Variants in TAF4 observed in about 807,000 individuals in gnomAD.
TAF4 encodes TATA-box binding protein associated factor 4.
Under a neutral mutation model 90.3 loss-of-function variants are expected in TAF4, and 9 were observed. The observed-to-expected ratio is 0.10, with a 90% CI of 0.06 to 0.17. TAF4 has a LOEUF of 0.17. TAF4 is among the 10% of genes least tolerant of loss of function. TAF4 has a pLI of 1.00. For missense variants in TAF4, 1,351 were observed against 1,370.7 expected (o/e 0.99, Z 0.23); for synonymous variants, 818 against 638.9 (o/e 1.28, Z -4.23).
intron 14 of TAF4, among the ~76,000 whole-genome samples, chr20:61,987,291 T>G (rs1026053799): frequency 3.3e-5 from 5 of 151,996 alleles, no homozygotes; most frequent in Admixed American, 2.0e-4. Flanking sequence ...CAGGAAAGAC[T>G]GAGCAGCTAC....
At chr20:62,048,597 C>T (rs1169967690) in intron 1 of TAF4, among the ~76,000 whole-genome samples, 1 of 152,038 alleles carries the variant, frequency 6.6e-6, no homozygotes, top group Non-Finnish European at 1.5e-5. Flanking sequence ...TCCCCACGTG[C>T]CCACCTCCGT....
At chr20:62,061,951 T>C (rs1353347998) in intron 1 of TAF4, among the ~76,000 whole-genome samples, 1 of 152,222 alleles carries the variant, frequency 6.6e-6, no homozygotes, top group Non-Finnish European at 1.5e-5. Context: ...AGGCTTAGCC[T>C]TAAAGACTTC....
intron 1 of TAF4, among the ~76,000 whole-genome samples, chr20:62,042,416 G>A (rs927646184): frequency 4.6e-5 from 7 of 152,356 alleles, no homozygotes; most frequent in East Asian, 1.9e-4. Flanking sequence ...CCTGGACACC[G>A]CACAAGGACT....
At chr20:62,011,921 G>A (rs79394547) in intron 3 of TAF4, among the ~76,000 whole-genome samples, 3 of 152,354 alleles carry the variant, frequency 2.0e-5, no homozygotes, top group African/African-American at 4.8e-5. Flanking sequence ...GCTGCTTCCT[G>A]CTGACTGCCC....
At position 62,006,652 on chromosome 20, in the gene TAF4, G is replaced by C; in HGVS notation, c.2081C>G (p.Thr694Arg). The change falls in exon 7 of 15, where the codon ACG (threonine) becomes AGG (arginine). Residue 694 changes from threonine (T) to arginine (R), a missense_variant. This residue lies in a region of TAF4 where 202 missense variants were observed against 229.7 expected (regional missense o/e 0.88). Coordinates refer to ENST00000252996, the MANE Select transcript of TAF4 (RefSeq NM_003185.4). The surrounding 1 kb of genome is among the most constrained non-coding windows in gnomAD (Gnocchi z 7.0). ...GACCGAGCTACTCAGCACCACGGCC[G>C]TGAGCGCAGTGGTGGCCTGCGAGGT... is the stretch of plus-strand genomic sequence containing the variant. ...PPTSQATTAL[T>R]AVVLSSSVQR... 6.3e-7 allele frequency: 1 copy of C among 1,599,588 alleles called. No individual in the cohort carries two copies. Among genetic ancestry groups the C allele is most frequent in the Non-Finnish European group, 8.5e-7 (1 of 1,171,008 alleles).
At chr20:62,050,246 C>G (rs1277252882) in intron 1 of TAF4, among the ~76,000 whole-genome samples, 1 of 152,124 alleles carries the variant, frequency 6.6e-6, no homozygotes, top group East Asian at 1.9e-4. Flanking sequence ...CATGACCTAT[C>G]CTCGGCCTCT....
chr20:62,051,475 G>A lies in TAF4; in HGVS notation c.1360+12976C>T, dbSNP rs1600862626. Among the ~76,000 whole-genome samples, 4 of 152,200 alleles carry A rather than the reference G, an allele frequency of 2.6e-5. No homozygotes were observed. In the South Asian group the frequency reaches 8.3e-4, roughly 32 times the overall value. On this transcript the variant is annotated intron_variant, in intron 1 of 14. Transcript: ENST00000252996. ...AGGGCCCTGGGACTGCCCTCCCCAG[G>A]CTGCACGTGCAGAGGGAACTTCGTC...
In TAF4 at chr20:62,018,312, C is replaced by T. The variant is rs1028097652; in HGVS notation, c.1361-3605G>A. Among the ~76,000 whole-genome samples, 4 of 152,240 alleles carry T rather than the reference C, an allele frequency of 2.6e-5. No individual in the cohort carries two copies. The South Asian group carries it at 6.2e-4, about 24-fold the overall frequency. ...GATCTGAGGACACTCAGAACACCAA[C>T]GGCTGCATCCACGCCATGTTTCCGA... On this transcript the variant is annotated intron_variant, in intron 1 of 14. Coordinates refer to ENST00000252996, the MANE Select transcript of TAF4 (RefSeq NM_003185.4).
At position 62,065,822 on chromosome 20, in the gene TAF4, G is replaced by GGCCGCCGCC. The variant is rs551749583; in HGVS notation, c.-21_-13dup. ...GAGCCCGCCGCCATCTTTTTTCCTC[G>GGCCGCCGCC]GCCGCCGCCGCCGCCGCCGCTCGGG... On this transcript the variant is annotated 5_prime_UTR_variant, in exon 1 of 15. Coordinates refer to ENST00000252996, the MANE Select transcript of TAF4 (RefSeq NM_003185.4). 2.7e-5 allele frequency: 34 copies of GGCCGCCGCC among 1,266,832 alleles called. No homozygotes were observed. The highest frequency in any genetic ancestry group is 3.3e-5 in the Non-Finnish European group (32 of 983,588). 78.5% of individuals were successfully genotyped at this position (1,266,832 alleles called of 1,614,324 possible).
Position 62,055,041 on chromosome 20 carries a change from C to T in TAF4, c.1360+9410G>A, listed in dbSNP as rs915676606. Among the ~76,000 whole-genome samples, 4 of 152,222 alleles carry T rather than the reference C, an allele frequency of 2.6e-5. No individual in the cohort carries two copies. In the East Asian group the frequency reaches 5.8e-4, roughly 22 times the overall value. ...CCACCCCCACATTCCACAGCTCAGA[C>T]GCAAAAGTGACCTCAACATACAACT... On this transcript the variant is annotated intron_variant, in intron 1 of 14. Transcript: ENST00000252996.
In TAF4 at chr20:62,010,989, G is replaced by A. The variant is rs6089606; in HGVS notation, c.1642-824C>T. 0.47 allele frequency among the ~76,000 whole-genome samples: 70,891 copies of A among 151,954 alleles called. 17,191 individuals are homozygous for A. The highest frequency in any genetic ancestry group is 0.58 in the Middle Eastern group (169 of 292). Reference sequence around the variant, plus strand: ...TCTCCAATTTTTTAAACACTCCTTTGCAACTTCTGAAAGCAGGGGGCAGTG... The same window carrying A: ...TCTCCAATTTTTTAAACACTCCTTTACAACTTCTGAAAGCAGGGGGCAGTG... On this transcript the variant is annotated intron_variant, in intron 3 of 14. Coordinates refer to ENST00000252996, the MANE Select transcript of TAF4 (RefSeq NM_003185.4). The surrounding 1 kb of genome is among the most constrained non-coding windows in gnomAD (Gnocchi z 4.5).
Position 62,065,280 on chromosome 20 carries a change from GCCGGGC to G in TAF4, c.525_530del (p.Pro186_Gly187del), listed in dbSNP as rs2056122570. ...GGCCAGGGCCGGGGCCGGGGCCGGGGCCGGGCCCGGGGCCGGGGCCGGCGCGGGCGG... is the reference window on the plus strand; with the variant it reads ...GGCCAGGGCCGGGGCCGGGGCCGGGGCCGGGGCCGGGGCCGGCGCGGGCGG... On this transcript the variant is annotated inframe_deletion, in exon 1 of 15. Transcript: ENST00000252996. The G allele has an allele frequency of 1.2e-5, 3 of 257,178 alleles. No homozygotes were observed. The highest frequency in any genetic ancestry group is 1.6e-4 in the South Asian group (1 of 6,438). The allele number at this position is 257,178 out of a possible 1,614,324, so 15.9% of individuals were successfully genotyped here.
chr20:61,987,488 G>A (rs138543188), intron 14 of TAF4, among the ~76,000 whole-genome samples: 40 of 152,160 alleles, frequency 2.6e-4, no homozygotes, highest in South Asian at 2.1e-4. Context: ...AAGCTGCTCC[G>A]CATCCTCCGT....
Position 62,006,625 on chromosome 20 carries a change from T to C in TAF4, c.2108A>G (p.Gln703Arg). 1 of 1,605,054 alleles carries C rather than the reference T, an allele frequency of 6.2e-7. No homozygotes were observed. The highest frequency in any genetic ancestry group is 8.5e-7 in the Non-Finnish European group (1 of 1,175,622). ...GGCCGCCGTCTTCCCGGCCGTGCGC[T>C]GGACCGAGCTACTCAGCACCACGGC... ...LTAVVLSSSVQRTAGKTAATV... is the reference protein window; with the variant it reads ...LTAVVLSSSVRRTAGKTAATV... Residue 703 changes from glutamine (Q) to arginine (R), a missense_variant, in exon 7 of 15, where the codon CAG (glutamine) becomes CGG (arginine). Physicochemically the swap from Gln to Arg is conservative, Grantham distance 43. Transcript: ENST00000252996. This position sits in a 1 kb window ranked among gnomAD's most constrained non-coding sequence, Gnocchi z 7.0.
chr20:62,021,128 TA>T (rs1424314386), intron 1 of TAF4, among the ~76,000 whole-genome samples: 1 of 152,018 alleles, frequency 6.6e-6, no homozygotes, highest in Non-Finnish European at 1.5e-5. Flanking sequence ...CCCGGGAAAT[TA>T]CCTTCCACCT....
At chr20:62,028,438 G>A (rs1365603561) in intron 1 of TAF4, among the ~76,000 whole-genome samples, 2 of 151,980 alleles carry the variant, frequency 1.3e-5, no homozygotes, top group Admixed American at 6.6e-5. Context: ...CTGAAGATAC[G>A]GCATTGACAG....
chr20:62,045,377 C>T (rs554916317), intron 1 of TAF4, among the ~76,000 whole-genome samples: 17 of 152,328 alleles, frequency 1.1e-4, no homozygotes, highest in Non-Finnish European at 1.8e-4. Flanking sequence ...TTGGTGGAGA[C>T]GATGGCGGTG....
chr20:62,025,900 G>T (rs1272861551), intron 1 of TAF4, among the ~76,000 whole-genome samples: 4 of 152,148 alleles, frequency 2.6e-5, no homozygotes, highest in Non-Finnish European at 2.9e-5. Flanking sequence ...TGGGGGTAGG[G>T]TTCACCATGC....
chr20:62,051,099 A>G (rs1377687763), intron 1 of TAF4, among the ~76,000 whole-genome samples: 2 of 152,176 alleles, frequency 1.3e-5, no homozygotes, highest in African/African-American at 4.8e-5. Context: ...CACGTCCAAA[A>G]TGAACCTCAG....
Sources: allele counts gnomAD v4.1 joint callset (sites outside exome capture counted in the v4.1 genomes callset), GRCh38; gene constraint gnomAD v4.1.1; regional missense constraint gnomAD v4.1.1; non-coding constraint Gnocchi (gnomAD v3.1); transcripts MANE v1.5; gene names NCBI Gene and HGNC (gene_info 2026-07-23, HGNC 2026-07-21).